Variants in NRG2 observed in about 807,000 individuals in gnomAD.
NRG2 encodes neuregulin 2.
In NRG2, 27 loss-of-function variants were observed where a neutral mutation model predicts 73.9. The ratio of observed to expected loss-of-function variants is 0.37; its 90% CI spans 0.27 to 0.50. The LOEUF (loss-of-function observed/expected upper bound fraction) is 0.50, where lower values mean the gene tolerates loss of function less well. NRG2 is among the 20% of genes least tolerant of loss of function. NRG2 has a pLI of 0.96. For missense variants in NRG2, 1,126 were observed against 1,210.1 expected (o/e 0.93, Z 1.03); for synonymous variants, 532 against 541.0 (o/e 0.98, Z 0.23).
At chr5:139,967,251 A>T (rs1755599128) in intron 1 of NRG2, among the ~76,000 whole-genome samples, 1 of 152,196 alleles carries the variant, frequency 6.6e-6, no homozygotes, top group African/African-American at 2.4e-5. Flanking sequence ...CACTCCAGGG[A>T]CTATTACCTT....
At chr5:139,946,678 C>T (rs904330734) in intron 1 of NRG2, among the ~76,000 whole-genome samples, 11 of 151,988 alleles carry the variant, frequency 7.2e-5, no homozygotes, top group Admixed American at 1.3e-4. Flanking sequence ...GAAAGTGAAA[C>T]GACAACCCAC....
At chr5:140,002,786 G>A (rs1758589220) in intron 1 of NRG2, among the ~76,000 whole-genome samples, 1 of 152,162 alleles carries the variant, frequency 6.6e-6, no homozygotes. Flanking sequence ...GGTGGAAGCA[G>A]AGAGACCAAT....
At chr5:139,982,514 G>GCAGCTCACATTGTT (rs1278881963) in intron 1 of NRG2, among the ~76,000 whole-genome samples, 1 of 152,172 alleles carries the variant, frequency 6.6e-6, no homozygotes, top group East Asian at 1.9e-4. Context: ...CACATTTCCA[G>GCAGCTCACATTGTT]CAGCTCACAT....
chr5:139,899,353 A>G (rs985740564), intron 1 of NRG2, among the ~76,000 whole-genome samples: 1 of 152,276 alleles, frequency 6.6e-6, no homozygotes, highest in Non-Finnish European at 1.5e-5. Context: ...GTAGGTCCCA[A>G]GAAATTGTAC....
At position 139,915,722 on chromosome 5, in the gene NRG2, G is replaced by C. The variant is rs1335856402; in HGVS notation, c.701-28211C>G. 6.6e-6 allele frequency among the ~76,000 whole-genome samples: 1 copy of C among 152,212 alleles called. No homozygotes were observed. Among genetic ancestry groups the C allele is most frequent in the Non-Finnish European group, 1.5e-5 (1 of 68,048 alleles). On this transcript the variant is annotated intron_variant, in intron 1 of 9. Transcript: ENST00000361474. The surrounding 1 kb of genome is among the most constrained non-coding windows in gnomAD (Gnocchi z 4.0). ...ATAGCTTAAAAGATTATGAAAGGCT[G>C]TGTGGTAAATTCTAGACGATCAGCT...
At chr5:140,031,093 C>T (rs1209270615) in intron 1 of NRG2, among the ~76,000 whole-genome samples, 5 of 152,184 alleles carry the variant, frequency 3.3e-5, no homozygotes, top group African/African-American at 1.2e-4. Flanking sequence ...TGCCTACCTC[C>T]CCATTAGGCC....
intron 1 of NRG2, among the ~76,000 whole-genome samples, chr5:140,010,546 G>A (rs1415652040): frequency 6.6e-6 from 1 of 151,978 alleles, no homozygotes. Context: ...GGGAGTATAT[G>A]GGATATCTCT....
At chr5:139,983,064 C>T (rs1024745404) in intron 1 of NRG2, among the ~76,000 whole-genome samples, 3 of 152,162 alleles carry the variant, frequency 2.0e-5, no homozygotes, top group Non-Finnish European at 2.9e-5. Flanking sequence ...AGGTCTTTGG[C>T]TATGGGAGCC....
chr5:139,985,979 G>C (rs1191701532), intron 1 of NRG2, among the ~76,000 whole-genome samples: 1 of 152,168 alleles, frequency 6.6e-6, no homozygotes, highest in African/African-American at 2.4e-5. Flanking sequence ...GGCTCCCAGG[G>C]CTATATTTAG....
intron 1 of NRG2, among the ~76,000 whole-genome samples, chr5:139,989,849 C>G (rs1052520239): frequency 6.6e-6 from 1 of 150,970 alleles, no homozygotes; most frequent in Non-Finnish European, 1.5e-5. Flanking sequence ...ACTGCAGTGG[C>G]GTGATCTCGG....
At chr5:139,879,469 T>C (rs1476185041) in intron 3 of NRG2, among the ~76,000 whole-genome samples, 1 of 152,090 alleles carries the variant, frequency 6.6e-6, no homozygotes, top group African/African-American at 2.4e-5. Flanking sequence ...AGAGGCCCAT[T>C]TTACAGTAGG....
chr5:139,910,615 T>C (rs1765511368), intron 1 of NRG2, among the ~76,000 whole-genome samples: 1 of 152,178 alleles, frequency 6.6e-6, no homozygotes, highest in Admixed American at 6.5e-5. Context: ...AAGGGCCCAG[T>C]CTTAGGCAGC....
chr5:139,850,700 T>C (rs1489662695), intron 9 of NRG2, among the ~76,000 whole-genome samples: 1 of 152,222 alleles, frequency 6.6e-6, no homozygotes, highest in Non-Finnish European at 1.5e-5. Context: ...GTGCTGGCCC[T>C]TGACTTCTGG....
intron 1 of NRG2, among the ~76,000 whole-genome samples, chr5:140,000,438 T>C (rs994783886): frequency 1.3e-5 from 2 of 152,180 alleles, no homozygotes; most frequent in Non-Finnish European, 1.5e-5. Flanking sequence ...GACTTAGGCA[T>C]CCTGCCAAAG....
intron 1 of NRG2, among the ~76,000 whole-genome samples, chr5:139,940,824 T>C (rs1753338659): frequency 6.6e-6 from 1 of 152,170 alleles, no homozygotes; most frequent in Non-Finnish European, 1.5e-5. Context: ...CATTCTTGGA[T>C]TTTTTGCCAT....
At chr5:139,940,626 G>C (rs545071878) in intron 1 of NRG2, among the ~76,000 whole-genome samples, 1 of 152,240 alleles carries the variant, frequency 6.6e-6, no homozygotes, top group African/African-American at 2.4e-5. Context: ...GAAAAAACTA[G>C]GTGCAGAAAT....
intron 1 of NRG2, among the ~76,000 whole-genome samples, chr5:139,961,129 GCT>G (rs1166621826): frequency 6.6e-6 from 1 of 152,234 alleles, no homozygotes; most frequent in Non-Finnish European, 1.5e-5. Context: ...CTGCCGCCCA[GCT>G]CTGACTCAGG....
rs936058746 is a variant in NRG2, at chr5:139,919,233, C to T, written c.701-31722G>A. Among the ~76,000 whole-genome samples, 9 of 152,038 alleles carry T rather than the reference C, an allele frequency of 5.9e-5. 1 individual carries two copies. Among genetic ancestry groups the T allele is most frequent in the Non-Finnish European group, 1.0e-4 (7 of 68,016 alleles). ...CCACTCCACCCCACGACTCCTGGGG[C>T]CCCATACAGCCTTGTATCACTAGAA... On this transcript the variant is annotated intron_variant, in intron 1 of 9. Coordinates refer to ENST00000361474, the MANE Select transcript of NRG2 (RefSeq NM_004883.3).
chr5:139,874,152 C>T (rs1763030478), intron 3 of NRG2, among the ~76,000 whole-genome samples: 2 of 152,230 alleles, frequency 1.3e-5, no homozygotes, highest in African/African-American at 4.8e-5. Flanking sequence ...GGAAGAGCTG[C>T]GCTCACGCTG....
Sources: gnomAD v4.1 joint callset for allele counts (sites outside exome capture counted in the v4.1 genomes callset) on GRCh38, gnomAD v4.1.1 for gene constraint, Gnocchi (gnomAD v3.1) non-coding constraint, MANE v1.5 for transcripts, NCBI Gene and HGNC (gene_info 2026-07-23, HGNC 2026-07-21) for gene names.